ATP6V1C1: variants seen among roughly 807,000 people sequenced by gnomAD.
ATP6V1C1 encodes the protein ATPase H+ transporting V1 subunit C1.
Under a neutral mutation model 53.9 loss-of-function variants are expected in ATP6V1C1, and 45 were observed. That is an observed-to-expected ratio of 0.83 (90% CI 0.66 to 1.07). The LOEUF is 1.07. Ranked by LOEUF, ATP6V1C1 falls within the 50% of genes least tolerant of loss-of-function variation. ATP6V1C1 has a pLI of 0.00. For missense variants in ATP6V1C1, 315 were observed against 440.3 expected (o/e 0.72, Z 2.55); for synonymous variants, 153 against 155.2 (o/e 0.99, Z 0.11).
chr8:103,071,967 A>G lies in ATP6V1C1; in HGVS notation c.*3220A>G, dbSNP rs1586333682. On this transcript the variant is annotated 3_prime_UTR_variant, in exon 13 of 13. Transcript: ENST00000518738. ...ACCCAGAGTCCAGAACATTTCATCT[A>G]TGATGGGTTAGATAATGTGTCTAGT... 1 of 152,238 alleles carries G rather than the reference A, an allele frequency of 6.6e-6. No individual in the cohort carries two copies. The highest frequency in any genetic ancestry group is 2.4e-5 in the African/African-American group (1 of 41,462). 9.4% of individuals were successfully genotyped at this position (152,238 alleles called of 1,614,324 possible).
At chr8:103,031,882 A>G (rs1399473139) in intron 1 of ATP6V1C1, among the ~76,000 whole-genome samples, 2 of 152,222 alleles carry the variant, frequency 1.3e-5, no homozygotes, top group African/African-American at 4.8e-5. Flanking sequence ...GGCTGAAAAC[A>G]TTTCAAATTT....
Position 103,062,956 on chromosome 8 carries a change from G to A in ATP6V1C1, c.643G>A (p.Val215Ile). The A allele has an allele frequency of 6.2e-7, 1 of 1,609,732 alleles. No individual in the cohort carries two copies. The highest frequency in any genetic ancestry group is 2.2e-5 in the East Asian group (1 of 44,780). ...AEMVVPRSSN[V>I]LSEDQDSYLC... Reference sequence around the variant, plus strand: ...AATGGACTTTTTTTTTTTCCATAGTGTTCTTTCAGAGGACCAAGACAGTTA... The same window carrying A: ...AATGGACTTTTTTTTTTTCCATAGTATTCTTTCAGAGGACCAAGACAGTTA... Residue 215 changes from valine to isoleucine, a missense_variant and splice_region_variant, in exon 9 of 13, where the codon GTT (valine) becomes ATT (isoleucine). Coordinates refer to ENST00000518738, the MANE Select transcript of ATP6V1C1 (RefSeq NM_001695.5).
chr8:103,035,789 G>C (rs537644428), intron 1 of ATP6V1C1, among the ~76,000 whole-genome samples: 55 of 152,302 alleles, frequency 3.6e-4, no homozygotes, highest in Non-Finnish European at 6.8e-4. Context: ...CAAAGTTTGT[G>C]TTCCTTCCTC....
At chr8:103,049,745 T>G (rs1220580647) in intron 4 of ATP6V1C1, among the ~76,000 whole-genome samples, 2 of 152,102 alleles carry the variant, frequency 1.3e-5, no homozygotes, top group Admixed American at 6.6e-5. Context: ...AAGACAAGCC[T>G]GGACAACACA....
intron 12 of ATP6V1C1, 28 bp downstream of exon 12, chr8:103,066,475 A>G: frequency 6.6e-7 from 1 of 1,515,674 alleles, no homozygotes. Context: ...CAGTAGAGTA[A>G]GAATTGAAGT....
At chr8:103,059,894 ACACC>A (rs1474018904) in intron 8 of ATP6V1C1, among the ~76,000 whole-genome samples, 13 of 8,356 alleles carry the variant, frequency 1.6e-3, no homozygotes, top group South Asian at 3.1e-3. Context: ...ACACACACAC[ACACC>A]CACACACCCA....
chr8:103,045,777 TA>T (rs1817085101), intron 3 of ATP6V1C1, among the ~76,000 whole-genome samples: 1 of 152,006 alleles, frequency 6.6e-6, no homozygotes, highest in Non-Finnish European at 1.5e-5. Context: ...CCGTCTCTAC[TA>T]AAAATACAAA....
intron 3 of ATP6V1C1, among the ~76,000 whole-genome samples, chr8:103,045,443 C>G (rs1052813471): frequency 3.9e-5 from 6 of 152,028 alleles, no homozygotes; most frequent in Admixed American, 2.0e-4. Flanking sequence ...AGTAAAAGCT[C>G]AGTTGGGACC....
chr8:103,029,630 A>C (rs1816760142), intron 1 of ATP6V1C1, among the ~76,000 whole-genome samples: 1 of 152,132 alleles, frequency 6.6e-6, no homozygotes, highest in African/African-American at 2.4e-5. Flanking sequence ...ATTATTTTAG[A>C]TTATTTTAGA....
At chr8:103,064,257 T>C (rs1817451508) in intron 10 of ATP6V1C1, among the ~76,000 whole-genome samples, 1 of 152,200 alleles carries the variant, frequency 6.6e-6, no homozygotes, top group Non-Finnish European at 1.5e-5. Flanking sequence ...ATGGGAAAAC[T>C]AAGAGCTAGT....
At chr8:103,043,357 CT>C (rs1817034947) in intron 3 of ATP6V1C1, among the ~76,000 whole-genome samples, 1 of 152,108 alleles carries the variant, frequency 6.6e-6, no homozygotes, top group Non-Finnish European at 1.5e-5. Context: ...GAGTCTCGCT[CT>C]GTCGCCCAGG....
intron 4 of ATP6V1C1, 65 bp from the exon 5 acceptor site, chr8:103,050,985 G>A (rs541827817): frequency 1.9e-5 from 20 of 1,070,294 alleles, no homozygotes; most frequent in Middle Eastern, 2.6e-4. Context: ...AAAATATATC[G>A]CTGTGTAAAA....
chr8:103,043,456 G>A (rs1817037163), intron 3 of ATP6V1C1, among the ~76,000 whole-genome samples: 1 of 151,498 alleles, frequency 6.6e-6, no homozygotes, highest in Admixed American at 6.6e-5. Context: ...CTGAGTAGCT[G>A]GGATTACAGG....
chr8:103,024,477 T>C (rs2131379009), intron 1 of ATP6V1C1, among the ~76,000 whole-genome samples: 2 of 152,340 alleles, frequency 1.3e-5, no homozygotes, highest in Non-Finnish European at 1.5e-5. Flanking sequence ...CCATGTAGTT[T>C]ACCCGTCCCT....
At chr8:103,035,815 C>T (rs1816886467) in intron 1 of ATP6V1C1, among the ~76,000 whole-genome samples, 2 of 152,146 alleles carry the variant, frequency 1.3e-5, no homozygotes, top group Non-Finnish European at 2.9e-5. Flanking sequence ...TCTGGCAGGT[C>T]CATCGAATCT....
At chr8:103,043,218 G>A (rs992256430) in intron 3 of ATP6V1C1, among the ~76,000 whole-genome samples, 4 of 152,170 alleles carry the variant, frequency 2.6e-5, no homozygotes, top group Non-Finnish European at 4.4e-5. Flanking sequence ...CGCCGGCAGT[G>A]TATGAAGATT....
intron 1 of ATP6V1C1, among the ~76,000 whole-genome samples, chr8:103,022,690 AG>A (rs1296380202): frequency 6.6e-6 from 1 of 152,094 alleles, no homozygotes; most frequent in African/African-American, 2.4e-5. Flanking sequence ...TCGCTCTGAG[AG>A]GGTATGACTT....
intron 1 of ATP6V1C1, among the ~76,000 whole-genome samples, chr8:103,032,511 CCTCA>C (rs1816817021): frequency 6.6e-6 from 1 of 151,640 alleles, no homozygotes; most frequent in South Asian, 2.1e-4. Context: ...TTCTTTCTTT[CCTCA>C]CTCTGCTGTC....
intron 1 of ATP6V1C1, among the ~76,000 whole-genome samples, chr8:103,039,152 G>A (rs2131387703): frequency 6.6e-6 from 1 of 152,276 alleles, no homozygotes; most frequent in Non-Finnish European, 1.5e-5. Flanking sequence ...TTTCTTATCT[G>A]TAAATGGGAA....
Sources: allele counts gnomAD v4.1 joint callset (sites outside exome capture counted in the v4.1 genomes callset), GRCh38; gene constraint gnomAD v4.1.1; transcripts MANE v1.5; gene names NCBI Gene and HGNC (gene_info 2026-07-23, HGNC 2026-07-21).